GPRIN3: variants seen among roughly 807,000 people sequenced by gnomAD.
GPRIN3 encodes the protein G protein-regulated inducer of neurite outgrowth 3.
A neutral mutation model predicts 13.7 loss-of-function variants in GPRIN3; 12 were observed. That is an observed-to-expected ratio of 0.87 (90% confidence interval 0.56 to 1.42). The LOEUF (loss-of-function observed/expected upper bound fraction) is 1.42. Ranked by LOEUF, GPRIN3 falls within the 40% of genes most tolerant of loss-of-function variation. GPRIN3 has a pLI of 0.00. For missense variants in GPRIN3, 1,009 were observed against 958.7 expected, an observed-to-expected ratio of 1.05 and a Z score of -0.69; for synonymous variants, 377 against 372.7, an observed-to-expected ratio of 1.01 and a Z score of -0.13.
chr4:89,253,016 GA>G (rs11408492), intron 1 of GPRIN3, among the ~76,000 whole-genome samples: 8,906 of 124,054 alleles, frequency 0.072, 267 homozygotes, highest in Non-Finnish European at 0.081. Context: ...TCTCAAAAAA[GA>G]AAAAAAAAAA....
chr4:89,253,333 A>G (rs1723382329), intron 1 of GPRIN3, among the ~76,000 whole-genome samples: 1 of 152,242 alleles, frequency 6.6e-6, no homozygotes, highest in Admixed American at 6.5e-5. Context: ...TAAGAAAAAC[A>G]TAATGTAAAA....
At chr4:89,272,056 G>A (rs58678216) in intron 1 of GPRIN3, among the ~76,000 whole-genome samples, 2,518 of 152,166 alleles carry the variant, frequency 0.017, 77 homozygotes, top group African/African-American at 0.058. Context: ...GAACCTTCTC[G>A]AGACACTGAC....
At chr4:89,297,439 A>G (rs765578286) in intron 1 of GPRIN3, among the ~76,000 whole-genome samples, 24 of 151,894 alleles carry the variant, frequency 1.6e-4, no homozygotes, top group Non-Finnish European at 3.4e-4. Flanking sequence ...TGAATTTTAA[A>G]CCCTCTTCCC....
intron 1 of GPRIN3, among the ~76,000 whole-genome samples, chr4:89,281,588 G>C (rs1302802680): frequency 6.6e-6 from 1 of 152,118 alleles, no homozygotes; most frequent in Non-Finnish European, 1.5e-5. Context: ...TTCAACATGA[G>C]ATTTAGGCGG....
chr4:89,250,497 G>T, intron 1 of GPRIN3: 1 of 159,874 alleles, frequency 6.3e-6, no homozygotes, highest in South Asian at 1.9e-4. Flanking sequence ...CTAGCAAATA[G>T]GTTTTTCATG....
At chr4:89,278,490 T>C (rs958410901) in intron 1 of GPRIN3, among the ~76,000 whole-genome samples, 2 of 152,196 alleles carry the variant, frequency 1.3e-5, no homozygotes, top group African/African-American at 4.8e-5. Flanking sequence ...CCAAGTTCAG[T>C]ACAATAAAAT....
rs925293252 is a variant in GPRIN3 at position 89,240,811 on chromosome 4, T to C, written c.*6969A>G. On this transcript the variant is annotated 3_prime_UTR_variant, in exon 2 of 2. Transcript: ENST00000609438. ...GGTTTTAATTTGTGATTTATCTGAA[T>C]ATACTAGTATAAATAAAATGTATTA... 1.1e-4 allele frequency: 16 copies of C among 152,226 alleles called. No individual in the cohort carries two copies. Among genetic ancestry groups the C allele is most frequent in the Admixed American group, 7.2e-4 (11 of 15,280 alleles). 9.4% of individuals were successfully genotyped at this position (152,226 alleles called of 1,614,324 possible). A position where few individuals can be genotyped will look rare whatever the true frequency, so the allele number is the denominator to read the frequency against.
chr4:89,278,948 C>G (rs1181453539), intron 1 of GPRIN3, among the ~76,000 whole-genome samples: 1 of 152,200 alleles, frequency 6.6e-6, no homozygotes, highest in East Asian at 1.9e-4. Context: ...AAACTCTGAT[C>G]ACCCTCATCT....
At chr4:89,265,943 G>A (rs1723767185) in intron 1 of GPRIN3, among the ~76,000 whole-genome samples, 1 of 152,174 alleles carries the variant, frequency 6.6e-6, no homozygotes, top group Non-Finnish European at 1.5e-5. Flanking sequence ...AATGCATGGA[G>A]GGGTGAGCTC....
chr4:89,272,815 T>G (rs1723995759), intron 1 of GPRIN3, among the ~76,000 whole-genome samples: 1 of 152,206 alleles, frequency 6.6e-6, no homozygotes, highest in South Asian at 2.1e-4. Flanking sequence ...TATTCTCTAT[T>G]CAATTCTATT....
Position 89,246,486 on chromosome 4 carries a change from A to C in GPRIN3, c.*1294T>G, listed in dbSNP as rs556505406. On this transcript the variant is annotated 3_prime_UTR_variant, in exon 2 of 2. Transcript: ENST00000609438. ...CACACGTCTCTTCTGGAGACACGGGAGGGCCAAGGTCCCAGGAAGTATAAT... is the reference window on the plus strand; with the variant it reads ...CACACGTCTCTTCTGGAGACACGGGCGGGCCAAGGTCCCAGGAAGTATAAT... 28 of 152,272 alleles carry C rather than the reference A, an allele frequency of 1.8e-4. No individual in the cohort carries two copies. Among genetic ancestry groups the C allele is most frequent in the African/African-American group, 6.3e-4 (26 of 41,558 alleles). The allele number at this position is 152,272 out of a possible 1,614,324, so 9.4% of individuals were successfully genotyped here. A position where few individuals can be genotyped will look rare whatever the true frequency, so the allele number is the denominator to read the frequency against.
intron 1 of GPRIN3, among the ~76,000 whole-genome samples, chr4:89,273,141 AC>A (rs1164041110): frequency 2.0e-5 from 3 of 152,166 alleles, no homozygotes; most frequent in Admixed American, 6.6e-5. Context: ...CCAAATGATA[AC>A]CCCAGTTATA....
intron 1 of GPRIN3, among the ~76,000 whole-genome samples, chr4:89,296,317 G>A (rs1167521571): frequency 1.3e-5 from 2 of 152,068 alleles, no homozygotes; most frequent in African/African-American, 2.4e-5. Context: ...CAGAAATCAC[G>A]GCTTTTTTCA....
At position 89,249,726 on chromosome 4, in the gene GPRIN3, G is replaced by A; in HGVS notation, c.385C>T (p.Pro129Ser). The A allele has an allele frequency of 6.2e-7, 1 of 1,614,192 alleles. No individual in the cohort carries two copies. Residue 129 changes from proline (P) to serine (S), a missense_variant, in exon 2 of 2, where the codon CCC becomes TCC. By Grantham distance (74) the Pro-to-Ser change is moderately conservative. Transcript: ENST00000609438. ...GACTGGCAGGTGTGCTGATTGGCGG[G>A]CATTGTCAATGGTGTGTGTATAAGA... ...RDLIHTPLTM[P>S]ANQHTCQSIP...
chr4:89,297,948 T>A (rs1046101628), intron 1 of GPRIN3, among the ~76,000 whole-genome samples: 4 of 152,298 alleles, frequency 2.6e-5, no homozygotes, highest in Admixed American at 2.0e-4. Context: ...AAAGTACCAA[T>A]GACAGCAAAT....
At chr4:89,302,400 A>G (rs1018723907) in intron 1 of GPRIN3, among the ~76,000 whole-genome samples, 3 of 152,170 alleles carry the variant, frequency 2.0e-5, no homozygotes, top group African/African-American at 7.2e-5. Context: ...AATAAAGGCA[A>G]TGGTTTCCAA....
At chr4:89,254,351 T>C (rs926555304) in intron 1 of GPRIN3, among the ~76,000 whole-genome samples, 37 of 152,046 alleles carry the variant, frequency 2.4e-4, no homozygotes, top group African/African-American at 7.0e-4. Flanking sequence ...TAGTACCCAT[T>C]AGTTAGTTTT....
At chr4:89,256,716 C>T (rs1723474667) in intron 1 of GPRIN3, among the ~76,000 whole-genome samples, 1 of 152,154 alleles carries the variant, frequency 6.6e-6, no homozygotes, top group South Asian at 2.1e-4. Flanking sequence ...GTTACAGGGA[C>T]CTCAGTGAGC....
intron 1 of GPRIN3, among the ~76,000 whole-genome samples, chr4:89,260,154 C>T (rs1723585431): frequency 6.6e-6 from 1 of 152,092 alleles, no homozygotes; most frequent in South Asian, 2.1e-4. Flanking sequence ...TGTCTGGTGG[C>T]AATATTTATA....
Sources: allele counts gnomAD v4.1 joint callset (sites outside exome capture counted in the v4.1 genomes callset), GRCh38; gene constraint gnomAD v4.1.1; transcripts MANE v1.5; gene names NCBI Gene and HGNC (gene_info 2026-07-23, HGNC 2026-07-21).